STT3A: variants seen among roughly 807,000 people sequenced by gnomAD.
STT3A encodes dolichyl-diphosphooligosaccharide--protein glycosyltransferase subunit STT3A.
In STT3A, 34 loss-of-function variants were observed where a neutral mutation model predicts 89.2. The observed-to-expected ratio is 0.38, with a 90% CI of 0.29 to 0.51. STT3A has a LOEUF of 0.51. Among genes scored for constraint, STT3A ranks in the 20% least tolerant of loss-of-function variants. The pLI is 0.89. For missense variants in STT3A, 555 were observed against 889.5 expected, an observed-to-expected ratio of 0.62 and a Z score of 4.78; for synonymous variants, 282 against 310.3, an observed-to-expected ratio of 0.91 and a Z score of 0.96.
chr11:125,598,350 T>C (rs991984422), intron 3 of STT3A, among the ~76,000 whole-genome samples: 15 of 152,254 alleles, frequency 9.9e-5, no homozygotes, highest in African/African-American at 2.7e-4. Flanking sequence ...CACTGTGTTA[T>C]ATTGCCTAAA....
Position 125,606,385 on chromosome 11 carries a change from C to T in STT3A, c.700C>T (p.His234Tyr). ...GCTGATGCTCACAGGCCGTTTCTCT[C>T]ACCGGATCTATGTGGCCTACTGTAC... ...LVLMLTGRFS[H>Y]RIYVAYCTVY... Residue 234 changes from histidine (H) to tyrosine (Y), a missense_variant, in exon 8 of 18, where the codon CAC (histidine) becomes TAC (tyrosine). This residue lies in a region of STT3A where 149 missense variants were observed against 206.2 expected (regional missense o/e 0.72). Transcript: ENST00000392708. 1.2e-6 allele frequency: 2 copies of T among 1,614,214 alleles called. No individual in the cohort carries two copies. Among genetic ancestry groups the T allele is most frequent in the Non-Finnish European group, 1.7e-6 (2 of 1,180,048 alleles).
At chr11:125,617,371 A>G (rs1940207397) in intron 15 of STT3A, among the ~76,000 whole-genome samples, 1 of 152,246 alleles carries the variant, frequency 6.6e-6, no homozygotes, top group African/African-American at 2.4e-5. Context: ...TCACCCAGCT[A>G]GAATTGGCAG....
Position 125,614,560 on chromosome 11 carries a change from C to T in STT3A, c.1774+134C>T, listed in dbSNP as rs779404770. ...TTCATGGGAAGTTCCTAAGTATTTGCAACTTGAGGTTTGGGTATTTTGATT... is the reference window on the plus strand; with the variant it reads ...TTCATGGGAAGTTCCTAAGTATTTGTAACTTGAGGTTTGGGTATTTTGATT... On this transcript the variant is annotated intron_variant, in intron 15 of 17. Coordinates refer to ENST00000392708, the MANE Select transcript of STT3A (RefSeq NM_152713.5). The surrounding 1 kb of genome is among the most constrained non-coding windows in gnomAD (Gnocchi z 4.9). 465 of 857,772 alleles carry T rather than the reference C, an allele frequency of 5.4e-4. No homozygotes were observed. Among genetic ancestry groups the T allele is most frequent in the Non-Finnish European group, 7.7e-4 (439 of 566,854 alleles). The allele number at this position is 857,772 out of a possible 1,614,324, so 53.1% of individuals were successfully genotyped here. A position where few individuals can be genotyped will look rare whatever the true frequency, so the allele number is the denominator to read the frequency against.
chr11:125,597,099 T>C lies in STT3A; in HGVS notation c.129T>C (p.Ser43=). The change falls in exon 3 of 18, where the codon AGT becomes AGC. Residue 43 remains serine, a synonymous_variant. Coordinates refer to ENST00000392708, the MANE Select transcript of STT3A (RefSeq NM_152713.5). Reference sequence around the variant, plus strand: ...TGTTTGCTGTCCTGAGATTTGAAAGTGTTATCCATGAGTTTGATCCGTGAG... The same window carrying C: ...TGTTTGCTGTCCTGAGATTTGAAAGCGTTATCCATGAGTTTGATCCGTGAG... ...TRLFAVLRFE[S]VIHEFDPYFN... is the part of the protein sequence containing the mutation. The C allele has an allele frequency of 6.2e-7, 1 of 1,614,062 alleles. No homozygotes were observed. The highest frequency in any genetic ancestry group is 1.1e-5 in the South Asian group (1 of 91,074).
chr11:125,604,095 T>G, intron 5 of STT3A, 62 bp from the exon 6 acceptor site: 1 of 1,539,406 alleles, frequency 6.5e-7, no homozygotes. Flanking sequence ...GACTAGTGGA[T>G]CCTCTGTTCT....
intron 1 of STT3A, chr11:125,593,534 A>G (rs551377255): frequency 5.3e-5 from 8 of 152,318 alleles, no homozygotes; most frequent in African/African-American, 1.9e-4. Context: ...CCTGCCCTCA[A>G]TGACTAGCTC....
At chr11:125,604,914 C>A (rs979316800) in intron 6 of STT3A, among the ~76,000 whole-genome samples, 6 of 152,112 alleles carry the variant, frequency 3.9e-5, no homozygotes, top group African/African-American at 1.2e-4. Flanking sequence ...GAGTTTGAGA[C>A]CAGCCTGGGC....
intron 15 of STT3A, among the ~76,000 whole-genome samples, chr11:125,616,626 G>A (rs892825329): frequency 2.0e-5 from 3 of 152,188 alleles, no homozygotes; most frequent in Non-Finnish European, 4.4e-5. Context: ...TTTTTTTGTA[G>A]ACAACCATAT....
Position 125,596,890 on chromosome 11 carries a change from T to G in STT3A, c.89-169T>G, listed in dbSNP as rs187819891. On this transcript the variant is annotated intron_variant, in intron 2 of 17. Coordinates refer to ENST00000392708, the MANE Select transcript of STT3A (RefSeq NM_152713.5). Reference sequence around the variant, plus strand: ...ATGCCATTGTCAGGGGAAAGTAAACTTCTCTTGTTTCCTTTATGTGGGGAA... The same window carrying G: ...ATGCCATTGTCAGGGGAAAGTAAACGTCTCTTGTTTCCTTTATGTGGGGAA... Among the ~76,000 whole-genome samples, 30 of 152,358 alleles carry G rather than the reference T, an allele frequency of 2.0e-4. 1 individual carries two copies. Among genetic ancestry groups the G allele is most frequent in the African/African-American group, 6.5e-4 (27 of 41,590 alleles).
rs1000256379 is a variant in STT3A at position 125,623,078 on chromosome 11, A to C, written c.*2268A>C. 26 of 156,756 alleles carry C rather than the reference A, an allele frequency of 1.7e-4. No homozygotes were observed. Among genetic ancestry groups the C allele is most frequent in the Admixed American group, 5.2e-4 (8 of 15,344 alleles). 9.7% of individuals were successfully genotyped at this position (156,756 alleles called of 1,614,324 possible). On this transcript the variant is annotated 3_prime_UTR_variant, in exon 18 of 18. Coordinates refer to ENST00000392708, the MANE Select transcript of STT3A (RefSeq NM_152713.5). ...AGAGCAAGACTGTCTCAAAAAAAAA[A>C]AAAAAAAAAAAAAAGAGTGGGACCC...
At chr11:125,604,086 A>T in intron 5 of STT3A, 71 bp from the exon 6 acceptor site, 1 of 1,478,370 alleles carries the variant, frequency 6.8e-7, no homozygotes, top group Non-Finnish European at 9.4e-7. Context: ...AACAGAATGG[A>T]CTAGTGGATC....
At chr11:125,608,324 T>G (rs760776251) in intron 9 of STT3A, 35 bp downstream of exon 9, 28 of 1,551,656 alleles carry the variant, frequency 1.8e-5, no homozygotes, top group Non-Finnish European at 2.2e-5. Flanking sequence ...CCTTTTTTCT[T>G]TTTTTTTAAG....
intron 15 of STT3A, among the ~76,000 whole-genome samples, chr11:125,615,329 C>T (rs1232645695): frequency 3.9e-5 from 6 of 152,098 alleles, no homozygotes; most frequent in African/African-American, 1.4e-4. Context: ...GCCCAAAAAT[C>T]TAAGCCCCCT....
At chr11:125,602,759 G>A (rs771229406) in intron 4 of STT3A, 44 bp from the exon 5 acceptor site, 2 of 1,611,036 alleles carry the variant, frequency 1.2e-6, no homozygotes, top group Admixed American at 3.3e-5. Context: ...TTTCCCTTAA[G>A]TTCTGGTAAG....
chr11:125,596,393 A>G (rs949091612), intron 2 of STT3A, among the ~76,000 whole-genome samples: 6 of 152,184 alleles, frequency 3.9e-5, no homozygotes, highest in African/African-American at 1.4e-4. Context: ...CGAACCTGGG[A>G]GGCAGAGGTT....
intron 4 of STT3A, 132 bp from the exon 5 acceptor site, chr11:125,602,671 A>G (rs1253309551): frequency 7.1e-6 from 9 of 1,259,324 alleles, no homozygotes; most frequent in Non-Finnish European, 1.0e-5. Flanking sequence ...GGCTTACTGC[A>G]GTTGCTATGT....
Position 125,618,240 on chromosome 11 carries a change from A to G in STT3A, c.1775-133A>G, listed in dbSNP as rs538889463. On this transcript the variant is annotated intron_variant, in intron 15 of 17. Coordinates refer to ENST00000392708, the MANE Select transcript of STT3A (RefSeq NM_152713.5). ...GCTTTGCCCGTATGTTGTCCTCACTATTTTTACAAATTAGAGTTAAATGAT... is the reference window on the plus strand; with the variant it reads ...GCTTTGCCCGTATGTTGTCCTCACTGTTTTTACAAATTAGAGTTAAATGAT... The G allele has an allele frequency of 2.3e-4, 193 of 833,102 alleles. 1 individual carries two copies. In the African/African-American group the frequency reaches 3.0e-3, roughly 13 times the overall value. The allele number at this position is 833,102 out of a possible 1,614,324, so 51.6% of individuals were successfully genotyped here. A position where few individuals can be genotyped will look rare whatever the true frequency, so the allele number is the denominator to read the frequency against.
upstream of STT3A, chr11:125,592,578 C>T (rs996726178): frequency 1.1e-5 from 5 of 438,382 alleles, no homozygotes; most frequent in Admixed American, 1.2e-4. Context: ...CGACACGTCA[C>T]TCCTCGGCCC....
At chr11:125,617,164 TA>T (rs752761284) in intron 15 of STT3A, among the ~76,000 whole-genome samples, 2 of 152,188 alleles carry the variant, frequency 1.3e-5, no homozygotes, top group Non-Finnish European at 2.9e-5. Context: ...CCATTTGTAA[TA>T]TGAAGATAAG....
Sources: gnomAD v4.1 joint callset for allele counts (sites outside exome capture counted in the v4.1 genomes callset) on GRCh38, gnomAD v4.1.1 for gene constraint, gnomAD v4.1.1 regional missense constraint, Gnocchi (gnomAD v3.1) non-coding constraint, MANE v1.5 for transcripts, NCBI Gene and HGNC (gene_info 2026-07-23, HGNC 2026-07-21) for gene names.